Variants in LRRC71 observed in about 807,000 individuals in gnomAD.
The protein encoded by LRRC71 is leucine-rich repeat-containing protein 71.
LRRC71 carries 54 observed loss-of-function variants against 66.6 expected under a neutral mutation model. The observed-to-expected ratio is 0.81, with a 90% confidence interval of 0.65 to 1.02. LRRC71 has a LOEUF of 1.02. LRRC71 is among the 50% of genes least tolerant of loss of function. The pLI, the probability that LRRC71 is intolerant of heterozygous loss-of-function variation, is 0.00. For missense variants in LRRC71, 724 were observed against 718.0 expected (o/e 1.01, Z -0.10); for synonymous variants, 323 against 303.9 (o/e 1.06, Z -0.65).
downstream of LRRC71, chr1:156,936,684 G>C: frequency 1.8e-6 from 2 of 1,081,104 alleles, no homozygotes; most frequent in East Asian, 2.4e-5. Flanking sequence ...GAAGCTGAGA[G>C]AATGAACTCG....
chr1:156,927,933 CTGACACACACCGAAGTGGTG>C lies in LRRC71; in HGVS notation c.926_945del (p.Leu309ArgfsTer31). On this transcript the variant is annotated frameshift_variant, in exon 9 of 15. Transcript: ENST00000337428. LOFTEE classifies it high-confidence loss of function. ...CCTTCAGGTCCTGCGCGCCTTCGAG[CTGACACACACCGAAGTGGTG>C]GAGCGCCGACGCCTCCTGCTGGAAA... is the stretch of plus-strand genomic sequence containing the variant. 6.2e-7 allele frequency: 1 copy of C among 1,612,156 alleles called. No homozygotes were observed. The highest frequency in any genetic ancestry group is 8.5e-7 in the Non-Finnish European group (1 of 1,179,314).
downstream of LRRC71, chr1:156,936,810 A>C (rs779505757): frequency 6.2e-7 from 1 of 1,611,106 alleles, no homozygotes; most frequent in Non-Finnish European, 8.5e-7. Context: ...ACCTGGCTTC[A>C]CTCACCATCC....
chr1:156,936,497 A>AAAAAAAAAAAATAT (rs370282821), downstream of LRRC71, among the ~76,000 whole-genome samples: 1 of 33,918 alleles, frequency 2.9e-5, no homozygotes, highest in African/African-American at 1.5e-4. Context: ...AAAAAAAAAA[A>AAAAAAAAAAAATAT]ATATATATAT....
chr1:156,936,491 A>AATAAAAAT (rs1287321269), downstream of LRRC71, among the ~76,000 whole-genome samples: 1 of 71,386 alleles, frequency 1.4e-5, no homozygotes, highest in African/African-American at 6.1e-5. Flanking sequence ...AAAAAAAAAA[A>AATAAAAAT]AAAAAAATAT....
chr1:156,939,574 G>T, the LRRC71 span: 1 of 1,612,598 alleles, frequency 6.2e-7, no homozygotes, highest in Non-Finnish European at 8.5e-7. Context: ...GTAACCTCCT[G>T]CTGCCTCTGT....
At position 156,932,462 on chromosome 1, in the gene LRRC71, G is replaced by C; in HGVS notation, c.1480G>C (p.Ala494Pro). Residue 494 changes from alanine (A) to proline (P), a missense_variant, in exon 14 of 15, where the codon GCC (alanine) becomes CCC (proline). Transcript: ENST00000337428. ...AGAGGTGGGGCTGGAGGGCTTCCTC[G>C]CCACGGTGCAGTATCAGATGCAGTT... The part of the protein sequence containing the change: ...ITEVGLEGFL[A>P]TVQYQMQFSK... 2 of 1,613,792 alleles carry C rather than the reference G, an allele frequency of 1.2e-6. No individual in the cohort carries two copies. Among genetic ancestry groups the C allele is most frequent in the South Asian group, 2.2e-5 (2 of 91,066 alleles).
Position 156,927,195 on chromosome 1 carries a change from C to T in LRRC71, c.594-7C>T. 3 of 1,610,448 alleles carry T rather than the reference C, an allele frequency of 1.9e-6. No individual in the cohort carries two copies. The highest frequency in any genetic ancestry group is 2.5e-6 in the Non-Finnish European group (3 of 1,178,404). The stretch of plus-strand genomic sequence containing the variant: ...CCTTCTGGTTCTCAGATCTCCCCTG[C>T]CCTCAGGAAGGTGTCTCTGGAGGGG... On this transcript the variant is annotated splice_region_variant and splice_polypyrimidine_tract_variant and intron_variant, in intron 5 of 14. Coordinates refer to ENST00000337428, the MANE Select transcript of LRRC71 (RefSeq NM_144702.3).
At chr1:156,927,892 C>G (rs752576003) in intron 8 of LRRC71, 23 bp from the exon 9 acceptor site, 18 of 1,610,340 alleles carry the variant, frequency 1.1e-5, no homozygotes, top group Non-Finnish European at 1.5e-5. Flanking sequence ...GGCGTCCGAC[C>G]GCTGAGCGCC....
chr1:156,936,032 T>A (rs1404086835), downstream of LRRC71: 5 of 1,613,842 alleles, frequency 3.1e-6, no homozygotes, highest in East Asian at 1.1e-4. Context: ...GCGTCTGCTG[T>A]GCTGTCTTCC....
Position 156,924,115 on chromosome 1 carries a change from C to T in LRRC71, c.310+17C>T, listed in dbSNP as rs1383179538. The T allele has an allele frequency of 6.5e-7, 1 of 1,548,144 alleles. No individual in the cohort carries two copies. The highest frequency in any genetic ancestry group is 1.4e-5 in the African/African-American group (1 of 72,906). On this transcript the variant is annotated intron_variant, in intron 2 of 14. Coordinates refer to ENST00000337428, the MANE Select transcript of LRRC71 (RefSeq NM_144702.3). ...CCACCTTAGGTGAGTGACAGTGGAG[C>T]TCCCCGGTGCCTGCCAGGGCCGCCT...
intron 1 of LRRC71, among the ~76,000 whole-genome samples, chr1:156,923,160 CACAGCTCCT>C: frequency 6.6e-6 from 1 of 152,210 alleles, no homozygotes; most frequent in East Asian, 1.9e-4. Flanking sequence ...TCCCTCCTGG[CACAGCTCCT>C]GCAGCACCTG....
intron 12 of LRRC71, among the ~76,000 whole-genome samples, chr1:156,930,989 G>A (rs559754666): frequency 2.0e-5 from 3 of 152,318 alleles, no homozygotes; most frequent in South Asian, 2.1e-4. Flanking sequence ...GGAACAATGC[G>A]TCTTCTTTTT....
At chr1:156,937,618 C>T (rs995758450), downstream of LRRC71, 4 of 1,099,710 alleles carry the variant, frequency 3.6e-6, no homozygotes, top group South Asian at 1.8e-5. Flanking sequence ...TCCAGACAAA[C>T]TCAGAGAACG....
chr1:156,940,184 C>T, the LRRC71 span: 74 of 1,547,510 alleles, frequency 4.8e-5, no homozygotes, highest in African/African-American at 4.1e-5. Context: ...CAGGGGCTGA[C>T]GGCAGGGCCT....
chr1:156,927,324 C>A, intron 6 of LRRC71, 54 bp downstream of exon 6: 2 of 1,589,818 alleles, frequency 1.3e-6, no homozygotes, highest in Non-Finnish European at 1.7e-6. Flanking sequence ...AAATTCCAAG[C>A]CATTTTTAGT....
Position 156,927,490 on chromosome 1 carries a change from C to T in LRRC71, c.663-6C>T, listed in dbSNP as rs781045891. Reference sequence around the variant, plus strand: ...GCGACCCACATTCTCCCTCCGGCTGCCCCAGGATTGCGCACTTGTCTCTGC... The same window carrying T: ...GCGACCCACATTCTCCCTCCGGCTGTCCCAGGATTGCGCACTTGTCTCTGC... On this transcript the variant is annotated splice_region_variant and splice_polypyrimidine_tract_variant and intron_variant, in intron 6 of 14. Transcript: ENST00000337428. The T allele has an allele frequency of 6.6e-7, 1 of 1,524,746 alleles. No homozygotes were observed. Among genetic ancestry groups the T allele is most frequent in the Non-Finnish European group, 8.8e-7 (1 of 1,137,010 alleles). 94.5% of individuals were successfully genotyped at this position (1,524,746 alleles called of 1,614,324 possible). A position where few individuals can be genotyped will look rare whatever the true frequency, so the allele number is the denominator to read the frequency against.
chr1:156,926,819 G>T (rs992760777), intron 5 of LRRC71, among the ~76,000 whole-genome samples: 7 of 152,242 alleles, frequency 4.6e-5, no homozygotes, highest in Middle Eastern at 3.4e-3. Context: ...CAGGCAATCT[G>T]CCCGCCTTGG....
the LRRC71 span, chr1:156,940,001 T>C: frequency 1.3e-6 from 2 of 1,551,814 alleles, no homozygotes; most frequent in Non-Finnish European, 8.6e-7. Context: ...CCCAAGGTGG[T>C]GACCTCAGGC....
intron 1 of LRRC71, among the ~76,000 whole-genome samples, chr1:156,922,654 C>T (rs1387338824): frequency 1.3e-5 from 2 of 152,184 alleles, no homozygotes; most frequent in Admixed American, 6.5e-5. Flanking sequence ...TACTACAGGG[C>T]AGCGCTCTTT....
Sources: allele counts gnomAD v4.1 joint callset (sites outside exome capture counted in the v4.1 genomes callset), GRCh38; gene constraint gnomAD v4.1.1; transcripts MANE v1.5; gene names NCBI Gene and HGNC (gene_info 2026-07-23, HGNC 2026-07-21).